Variants in HACL1 observed in about 807,000 individuals in gnomAD.
HACL1 encodes the protein 1600020H07Rik.
Under a neutral mutation model 74.2 loss-of-function variants are expected in HACL1, and 64 were observed. The ratio of observed to expected loss-of-function variants is 0.86; its 90% CI spans 0.70 to 1.06. The LOEUF (loss-of-function observed/expected upper bound fraction) is 1.06. HACL1 is among the 50% of genes least tolerant of loss of function. The pLI is 0.00. For synonymous variants in HACL1, 230 were observed against 238.8 expected, an observed-to-expected ratio of 0.96 and a Z score of 0.34; for missense variants, 728 against 719.7, an observed-to-expected ratio of 1.01 and a Z score of -0.13.
chr3:15,592,618 A>G (rs1472232223), intron 3 of HACL1, among the ~76,000 whole-genome samples: 3 of 79,122 alleles, frequency 3.8e-5, no homozygotes, highest in Non-Finnish European at 7.6e-5. Flanking sequence ...GTGTGCGTGT[A>G]TACACATGTA....
intron 15 of HACL1, 124 bp from the exon 16 acceptor site, chr3:15,563,668 C>T: frequency 3.2e-6 from 2 of 623,274 alleles, no homozygotes; most frequent in Non-Finnish European, 5.7e-6. Flanking sequence ...TTATCTTCAA[C>T]ACTTAAGCTG....
intron 9 of HACL1, among the ~76,000 whole-genome samples, chr3:15,577,874 G>A (rs1415692676): frequency 6.6e-6 from 1 of 151,762 alleles, no homozygotes; most frequent in African/African-American, 2.4e-5. Context: ...TGAGGCGGGC[G>A]GATCACAAAA....
At chr3:15,590,924 T>C (rs1441916345) in intron 4 of HACL1, among the ~76,000 whole-genome samples, 1 of 152,044 alleles carries the variant, frequency 6.6e-6, no homozygotes, top group Non-Finnish European at 1.5e-5. Context: ...CTACTAAAAA[T>C]ACAAAAATTA....
intron 12 of HACL1, among the ~76,000 whole-genome samples, chr3:15,571,284 A>T (rs961232268): frequency 6.6e-6 from 1 of 152,264 alleles, no homozygotes; most frequent in Non-Finnish European, 1.5e-5. Flanking sequence ...TGCCACCATC[A>T]AACTGAAGGC....
chr3:15,571,829 CTTTTTTTTTTTTTTTTT>C lies in HACL1; in HGVS notation c.994-77_994-61del, dbSNP rs869072841. The C allele has an allele frequency of 5.7e-5, 13 of 226,186 alleles. 1 individual carries two copies. Among genetic ancestry groups the C allele is most frequent in the East Asian group, 4.2e-4 (2 of 4,764 alleles). The allele number at this position is 226,186 out of a possible 1,614,324, so 14.0% of individuals were successfully genotyped here. On this transcript the variant is annotated intron_variant, in intron 11 of 16. Coordinates refer to ENST00000321169, the MANE Select transcript of HACL1 (RefSeq NM_012260.4). The stretch of plus-strand genomic sequence containing the variant: ...TAAACTTTTTCTTTGCCTTTTTTTT[CTTTTTTTTTTTTTTTTT>C]TTTTTTTTTTTGAGACGAAGTCTCG...
chr3:15,573,962 G>T (rs1254968746), intron 10 of HACL1, among the ~76,000 whole-genome samples: 1 of 152,206 alleles, frequency 6.6e-6, no homozygotes, highest in Non-Finnish European at 1.5e-5. Flanking sequence ...TGTCTTGTTT[G>T]TCTGCAGTTT....
chr3:15,572,012 G>A (rs570680192), intron 11 of HACL1, among the ~76,000 whole-genome samples: 2 of 151,382 alleles, frequency 1.3e-5, no homozygotes, highest in Non-Finnish European at 2.9e-5. Flanking sequence ...GCTAATTTTT[G>A]TATTTTTAGT....
Position 15,564,578 on chromosome 3 carries a change from ATTTC to A in HACL1, c.1486_1489del (p.Glu496CysfsTer2), listed in dbSNP as rs2063400821. 2.6e-6 allele frequency: 4 copies of A among 1,526,960 alleles called. No homozygotes were observed. The highest frequency in any genetic ancestry group is 3.6e-6 in the Non-Finnish European group (4 of 1,105,138). The allele number at this position is 1,526,960 out of a possible 1,614,324, so 94.6% of individuals were successfully genotyped here. A position where few individuals can be genotyped will look rare whatever the true frequency, so the allele number is the denominator to read the frequency against. On this transcript the variant is annotated frameshift_variant, in exon 15 of 17. Transcript: ENST00000321169. LOFTEE classifies it high-confidence loss of function. ...TGCAGTAGCATCTTGAAATTTTAAC[ATTTC>A]TTTCCAAGTATCTGTATCAAAACCT...
At chr3:15,576,498 G>A (rs537968253) in intron 9 of HACL1, among the ~76,000 whole-genome samples, 2 of 151,702 alleles carry the variant, frequency 1.3e-5, no homozygotes, top group East Asian at 1.9e-4. Flanking sequence ...TTCTACTTTC[G>A]TAAACAACCA....
intron 4 of HACL1, among the ~76,000 whole-genome samples, chr3:15,590,415 AG>A (rs2063870411): frequency 6.6e-6 from 1 of 152,156 alleles, no homozygotes; most frequent in South Asian, 2.1e-4. Flanking sequence ...AAAGATCAAA[AG>A]GAAAGTAAAG....
chr3:15,591,909 T>TATATAGTGTATACACTATATAC (rs2063905407), intron 3 of HACL1, among the ~76,000 whole-genome samples: 1 of 150,442 alleles, frequency 6.6e-6, no homozygotes, highest in African/African-American at 2.4e-5. Context: ...ACACTATATA[T>TATATAGTGTATACACTATATAC]GTATATAGTG....
At chr3:15,593,796 C>CTTTTTTT (rs1322426326) in intron 3 of HACL1, among the ~76,000 whole-genome samples, 1 of 111,348 alleles carries the variant, frequency 9.0e-6, no homozygotes, top group Non-Finnish European at 1.9e-5. Context: ...TTTTTTTTGT[C>CTTTTTTT]TTTTTTTTTT....
Position 15,589,609 on chromosome 3 carries a change from G to C in HACL1, c.312C>G (p.Pro104=). ...CAGAGGAACCACCAATCACAAGCAA[G>C]GGCCTGAAACAATCATTTTTTTAAC... is the stretch of plus-strand genomic sequence containing the variant. The part of the protein sequence containing the change: ...GMANANMNCW[P]LLVIGGSSER... Residue 104 remains proline, a synonymous_variant, in exon 5 of 17, where the codon CCC becomes CCG. Transcript: ENST00000321169. The C allele has an allele frequency of 6.3e-7, 1 of 1,599,290 alleles. No individual in the cohort carries two copies. The highest frequency in any genetic ancestry group is 8.6e-7 in the Non-Finnish European group (1 of 1,167,126).
At chr3:15,575,959 C>T (rs2063617110) in intron 9 of HACL1, among the ~76,000 whole-genome samples, 3 of 151,150 alleles carry the variant, frequency 2.0e-5, no homozygotes, top group East Asian at 1.9e-4. Context: ...AGATGGAGAC[C>T]ACCCTGGCCA....
At chr3:15,601,023 A>G (rs1366292037) in intron 2 of HACL1, 67 bp downstream of exon 2, 21 of 930,078 alleles carry the variant, frequency 2.3e-5, no homozygotes, top group Non-Finnish European at 2.9e-5. Context: ...GGGTGTTTGC[A>G]ATGCATACCT....
Position 15,601,396 on chromosome 3 carries a change from G to C in HACL1, c.68C>G (p.Ala23Gly). The change falls in exon 1 of 17, where the codon GCC becomes GGC. Residue 23 changes from alanine (A) to glycine (G), a missense_variant. Transcript: ENST00000321169. ...GGTCCATCGTACTTGCGTTTTCAGG[G>C]CCTGAGCGATGACTTTAGCACCAGA... ...QVSGAKVIAQ[A>G]LKTQDVEYIF... The C allele has an allele frequency of 6.2e-7, 1 of 1,614,046 alleles. No individual in the cohort carries two copies. The highest frequency in any genetic ancestry group is 8.5e-7 in the Non-Finnish European group (1 of 1,180,036).
At chr3:15,585,543 TAAG>T (rs140217619) in intron 6 of HACL1, among the ~76,000 whole-genome samples, 4,583 of 152,270 alleles carry the variant, frequency 0.03, 229 homozygotes, top group African/African-American at 0.1. Context: ...GGGAGAGAGA[TAAG>T]AAAGTATTCA....
chr3:15,571,829 C>T (rs563421939), intron 11 of HACL1, 60 bp from the exon 12 acceptor site: 27,979 of 219,608 alleles, frequency 0.13, 16 homozygotes, highest in Admixed American at 0.23. Flanking sequence ...CCTTTTTTTT[C>T]TTTTTTTTTT....
chr3:15,584,639 C>T (rs2063764285), intron 7 of HACL1, among the ~76,000 whole-genome samples: 1 of 152,254 alleles, frequency 6.6e-6, no homozygotes. Flanking sequence ...GTAAGACCCA[C>T]TGACTCTCTG....
Sources: gnomAD v4.1 joint callset for allele counts (sites outside exome capture counted in the v4.1 genomes callset) on GRCh38, gnomAD v4.1.1 for gene constraint, MANE v1.5 for transcripts, NCBI Gene and HGNC (gene_info 2026-07-23, HGNC 2026-07-21) for gene names.